The following SI variants were observed in gnomAD, a reference collection of about 807,000 sequenced individuals.
SI encodes sucrase-isomaltase.
A neutral mutation model predicts 253.3 loss-of-function variants in SI; 235 were observed. The ratio of observed to expected loss-of-function variants is 0.93; its 90% CI spans 0.83 to 1.03. The LOEUF (loss-of-function observed/expected upper bound fraction) is 1.03. SI is among the 50% of genes least tolerant of loss of function. The pLI is 0.00. For synonymous variants in SI, 819 were observed against 712.0 expected (o/e 1.15, Z -2.39); for missense variants, 2,442 against 2,211.1 (o/e 1.10, Z -2.09).
chr3:164,979,338 G>A lies in SI; in HGVS notation c.*24C>T, dbSNP rs755895097. On this transcript the variant is annotated 3_prime_UTR_variant, in exon 48 of 48. Transcript: ENST00000264382. ...TTAAATCCTGGTGTTTTTTCCCATT[G>A]ACAACTAAAATTGATGGTGATCTTC... The A allele has an allele frequency of 1.4e-6, 2 of 1,446,358 alleles. No homozygotes were observed. Among genetic ancestry groups the A allele is most frequent in the South Asian group, 2.3e-5 (2 of 87,744 alleles). The allele number at this position is 1,446,358 out of a possible 1,614,324, so 89.6% of individuals were successfully genotyped here. A position where few individuals can be genotyped will look rare whatever the true frequency, so the allele number is the denominator to read the frequency against.
At chr3:165,051,800 G>A (rs894004332) in intron 13 of SI, among the ~76,000 whole-genome samples, 1 of 151,766 alleles carries the variant, frequency 6.6e-6, no homozygotes, top group Non-Finnish European at 1.5e-5. Context: ...ATCAATGAAA[G>A]TAAACATTAT....
intron 40 of SI, among the ~76,000 whole-genome samples, chr3:164,995,490 C>T (rs1046785699): frequency 4.6e-5 from 7 of 151,752 alleles, no homozygotes; most frequent in African/African-American, 1.7e-4. Flanking sequence ...TTTGTACCAA[C>T]TCATATTTAA....
chr3:165,048,585 A>ACATATATATAT (rs71156877), intron 15 of SI, among the ~76,000 whole-genome samples: 2 of 47,868 alleles, frequency 4.2e-5, no homozygotes, highest in Admixed American at 2.1e-4. Context: ...ATATATATAT[A>ACATATATATAT]GAGAGAGAGA....
Position 165,007,952 on chromosome 3 carries a change from T to C in SI, c.4226A>G (p.Gln1409Arg). Residue 1409 changes from glutamine to arginine, a missense_variant, in exon 36 of 48, where the codon CAA becomes CGA. Coordinates refer to ENST00000264382, the MANE Select transcript of SI (RefSeq NM_001041.4). ...ATAATTTAGTTCGTCATTTCTGCAT[T>C]GATTAGTAGTTGTTCCATTTACAAA... ...SSFVNGTTTN[Q>R]CRNDELNYPP... 6.2e-7 allele frequency: 1 copy of C among 1,602,932 alleles called. No homozygotes were observed. The highest frequency in any genetic ancestry group is 1.1e-5 in the South Asian group (1 of 90,750).
intron 1 of SI, among the ~76,000 whole-genome samples, chr3:165,078,223 C>CA (rs928878761): frequency 1.3e-4 from 20 of 149,916 alleles, no homozygotes; most frequent in African/African-American, 2.4e-4. Flanking sequence ...AGAGTTGGGC[C>CA]AAAAAAAATC....
At chr3:165,010,011 A>C (rs1718699696) in intron 34 of SI, among the ~76,000 whole-genome samples, 1 of 152,194 alleles carries the variant, frequency 6.6e-6, no homozygotes, top group African/African-American at 2.4e-5. Context: ...TGTCTCAAAA[A>C]AATGACATGA....
intron 1 of SI, among the ~76,000 whole-genome samples, chr3:165,076,317 A>T (rs1275608552): frequency 1.3e-5 from 2 of 151,850 alleles, no homozygotes; most frequent in African/African-American, 4.8e-5. Flanking sequence ...ATGGAAAAAA[A>T]GATCTTCAAG....
At chr3:165,032,025 A>C (rs996504147) in intron 24 of SI, among the ~76,000 whole-genome samples, 3 of 151,360 alleles carry the variant, frequency 2.0e-5, no homozygotes, top group Middle Eastern at 3.4e-3. Flanking sequence ...GGCTTTCTAC[A>C]GGAGAAGAAA....
chr3:165,042,518 C>T (rs1712890048), intron 17 of SI, among the ~76,000 whole-genome samples: 1 of 152,058 alleles, frequency 6.6e-6, no homozygotes, highest in African/African-American at 2.4e-5. Context: ...TTGTCTGGCA[C>T]TTCTGCTCCT....
intron 20 of SI, among the ~76,000 whole-genome samples, chr3:165,038,748 T>A (rs1712668096): frequency 6.6e-6 from 1 of 151,916 alleles, no homozygotes; most frequent in Non-Finnish European, 1.5e-5. Flanking sequence ...ATAAGATAAA[T>A]ATGTAAAATA....
At chr3:165,040,509 T>A (rs977161409) in intron 18 of SI, among the ~76,000 whole-genome samples, 2 of 152,170 alleles carry the variant, frequency 1.3e-5, no homozygotes, top group Middle Eastern at 3.4e-3. Context: ...TTTACCTGAA[T>A]TTAAAAGGAT....
rs1467548919 is a variant in SI at position 165,007,721 on chromosome 3, T to TG, written c.4267+189_4267+190insC. ...AGGTGTGGTCCAGTGTGTGGGTGGG[T>TG]AGTGAAAATTGGGTGTGTGAATCCT... is the stretch of plus-strand genomic sequence containing the variant. On this transcript the variant is annotated intron_variant, in intron 36 of 47. Transcript: ENST00000264382. 7.3e-5 allele frequency among the ~76,000 whole-genome samples: 11 copies of TG among 150,834 alleles called. No homozygotes were observed. The South Asian group carries it at 2.3e-3, about 31-fold the overall frequency.
At chr3:165,003,030 C>T (rs1034819775) in intron 37 of SI, among the ~76,000 whole-genome samples, 13 of 151,752 alleles carry the variant, frequency 8.6e-5, no homozygotes, top group African/African-American at 2.2e-4. Flanking sequence ...ACTTTACATA[C>T]GCTTAAATAT....
intron 25 of SI, among the ~76,000 whole-genome samples, chr3:165,028,558 AC>A (rs1712048389): frequency 6.6e-6 from 1 of 151,628 alleles, no homozygotes; most frequent in Non-Finnish European, 1.5e-5. Context: ...AGCCATAGTC[AC>A]CAAAATAGCA....
Position 165,067,350 on chromosome 3 carries a change from CG to C in SI, c.624del (p.Asn208LysfsTer13). On this transcript the variant is annotated frameshift_variant, in exon 6 of 48. Transcript: ENST00000264382. LOFTEE classifies it high-confidence loss of function. ...AAATAATACACTTACAAAGTTTTAC[CG>C]TTGCTTTTCCTAATAACTTGGATGC... ...PFSIQVIRKS[N>X]GKTLFDTSIG... 6.2e-7 allele frequency: 1 copy of C among 1,607,684 alleles called. No homozygotes were observed.
intron 33 of SI, among the ~76,000 whole-genome samples, chr3:165,013,514 C>T (rs927576713): frequency 6.6e-6 from 1 of 152,006 alleles, no homozygotes; most frequent in Non-Finnish European, 1.5e-5. Context: ...AGTACTAAAT[C>T]CTCCTCTCCC....
chr3:165,072,203 C>T (rs146239034), intron 3 of SI, among the ~76,000 whole-genome samples: 1 of 152,012 alleles, frequency 6.6e-6, no homozygotes, highest in Admixed American at 6.6e-5. Context: ...CTTTAACCAA[C>T]TTCAATCTCT....
chr3:165,063,016 C>G (rs1286569417), intron 8 of SI, among the ~76,000 whole-genome samples: 2 of 152,002 alleles, frequency 1.3e-5, no homozygotes, highest in East Asian at 1.9e-4. Flanking sequence ...AGATACTACA[C>G]TCATAATATT....
At chr3:164,981,721 A>G (rs1015665470) in intron 47 of SI, among the ~76,000 whole-genome samples, 22 of 152,232 alleles carry the variant, frequency 1.4e-4, no homozygotes, top group African/African-American at 5.1e-4. Context: ...TTTCTATTCA[A>G]TTGGATAGAA....
Sources: allele counts gnomAD v4.1 joint callset (sites outside exome capture counted in the v4.1 genomes callset), GRCh38; gene constraint gnomAD v4.1.1; transcripts MANE v1.5; gene names NCBI Gene and HGNC (gene_info 2026-07-23, HGNC 2026-07-21).